SYT2: variants seen among roughly 807,000 people sequenced by gnomAD.
SYT2 encodes the protein synaptotagmin 2.
A neutral mutation model predicts 39.9 loss-of-function variants in SYT2; 15 were observed. The observed-to-expected ratio is 0.38, with a 90% CI of 0.25 to 0.58. The LOEUF is 0.58. SYT2 is among the 20% of genes least tolerant of loss of function. The pLI is 0.70. For missense variants in SYT2, 389 were observed against 530.3 expected, an observed-to-expected ratio of 0.73 and a Z score of 2.62; for synonymous variants, 181 against 204.5, an observed-to-expected ratio of 0.89 and a Z score of 0.98.
At chr1:202,598,771 G>A (rs1690389608) in intron 8 of SYT2, among the ~76,000 whole-genome samples, 1 of 152,182 alleles carries the variant, frequency 6.6e-6, no homozygotes, top group Non-Finnish European at 1.5e-5. Flanking sequence ...CTGGAAGGGT[G>A]GAGGGAGAGA....
intron 1 of SYT2, among the ~76,000 whole-genome samples, chr1:202,652,604 C>T (rs1488509510): frequency 6.6e-6 from 1 of 152,202 alleles, no homozygotes; most frequent in Non-Finnish European, 1.5e-5. Context: ...AACTTCTCTG[C>T]CCAGCAGGGT....
At chr1:202,692,511 T>C (rs1484786806) in intron 1 of SYT2, among the ~76,000 whole-genome samples, 1 of 152,230 alleles carries the variant, frequency 6.6e-6, no homozygotes, top group Non-Finnish European at 1.5e-5. Flanking sequence ...TTCTATCACC[T>C]ACAGGTTAAA....
chr1:202,605,201 C>G (rs991987490), intron 2 of SYT2: 15 of 183,284 alleles, frequency 8.2e-5, no homozygotes, highest in Non-Finnish European at 1.5e-4. Context: ...TCTGGTGTCT[C>G]CTATACAGCC....
intron 1 of SYT2, among the ~76,000 whole-genome samples, chr1:202,706,869 A>C (rs1654265980): frequency 6.6e-6 from 1 of 152,220 alleles, no homozygotes; most frequent in Non-Finnish European, 1.5e-5. Flanking sequence ...TAACACGAAT[A>C]GTTATCAGTT....
At position 202,639,517 on chromosome 1, in the gene SYT2, C is replaced by T. The variant is rs557763902; in HGVS notation, c.-17-33728G>A. 12 of 985,404 alleles carry T rather than the reference C, an allele frequency of 1.2e-5. No individual in the cohort carries two copies. The African/African-American group carries it at 1.6e-4, about 13-fold the overall frequency. The allele number at this position is 985,404 out of a possible 1,614,324, so 61.0% of individuals were successfully genotyped here. ...AGCCCCTTTCAGTGCCTCGTCCTGC[C>T]GTGCCACTCATCTAACACATCTCTG... On this transcript the variant is annotated intron_variant, in intron 1 of 8. Transcript: ENST00000367268.
chr1:202,645,342 G>A (rs1180457509), intron 1 of SYT2, among the ~76,000 whole-genome samples: 2 of 152,204 alleles, frequency 1.3e-5, no homozygotes, highest in Admixed American at 6.5e-5. Flanking sequence ...TCTCCCTGGG[G>A]AGAAAAGTGC....
chr1:202,702,817 A>C (rs547117261), intron 1 of SYT2, among the ~76,000 whole-genome samples: 1 of 152,346 alleles, frequency 6.6e-6, no homozygotes, highest in East Asian at 1.9e-4. Flanking sequence ...TACATTTGTT[A>C]AATGGGCTTT....
chr1:202,640,921 T>C (rs1691900221), intron 1 of SYT2, among the ~76,000 whole-genome samples: 1 of 152,178 alleles, frequency 6.6e-6, no homozygotes, highest in South Asian at 2.1e-4. Context: ...CCATGGCCAC[T>C]ACTCACAGCT....
rs763972708 is a variant in SYT2 at position 202,605,782 on chromosome 1, G to C, written c.-10C>G. On this transcript the variant is annotated 5_prime_UTR_variant, in exon 2 of 9. Coordinates refer to ENST00000367268, the MANE Select transcript of SYT2 (RefSeq NM_177402.5). ...TGAAAATGTTCCTCATGGTGGCAGA[G>C]GAAACAGCTGGGGACGAGAGGTGAA... 3 of 1,613,282 alleles carry C rather than the reference G, an allele frequency of 1.9e-6. No individual in the cohort carries two copies. The highest frequency in any genetic ancestry group is 1.7e-6 in the Non-Finnish European group (2 of 1,179,436).
rs1256628781 is a variant in SYT2 at position 202,591,650 on chromosome 1, CAGG to C, written c.*5104_*5106del. The C allele has an allele frequency of 1.3e-5, 2 of 152,696 alleles. No individual in the cohort carries two copies. Among genetic ancestry groups the C allele is most frequent in the Non-Finnish European group, 2.9e-5 (2 of 68,284 alleles). The allele number at this position is 152,696 out of a possible 1,614,324, so 9.5% of individuals were successfully genotyped here. On this transcript the variant is annotated 3_prime_UTR_variant, in exon 9 of 9. Coordinates refer to ENST00000367268, the MANE Select transcript of SYT2 (RefSeq NM_177402.5). ...TATTGGGCTGCTTTCTGTCAGACTG[CAGG>C]AGGATGCACGAGGGAAGAGCGTCAG... is the stretch of plus-strand genomic sequence containing the variant.
At chr1:202,597,077 C>T (rs1690326342) in intron 8 of SYT2, 114 bp from the exon 9 acceptor site, 12 of 845,548 alleles carry the variant, frequency 1.4e-5, no homozygotes, top group Admixed American at 4.9e-5. Context: ...CCTCCTGGGG[C>T]TCCTTGGTTT....
chr1:202,650,614 A>G (rs886397992), intron 1 of SYT2, among the ~76,000 whole-genome samples: 1 of 152,002 alleles, frequency 6.6e-6, no homozygotes, highest in Non-Finnish European at 1.5e-5. Context: ...ATATGTTTTT[A>G]TTGAATACAT....
At chr1:202,632,853 T>C (rs1428121913) in intron 1 of SYT2, 1 of 152,232 alleles carries the variant, frequency 6.6e-6, no homozygotes, top group Non-Finnish European at 1.5e-5. Context: ...GAGAAGTTAT[T>C]TCCCTGTTCT....
rs1690405170 is a variant in SYT2, at chr1:202,599,119, G to A, written c.1053+99C>T. On this transcript the variant is annotated intron_variant, in intron 8 of 8. Transcript: ENST00000367268. This position sits in a 1 kb window ranked among gnomAD's most constrained non-coding sequence, Gnocchi z 4.4. Reference sequence around the variant, plus strand: ...GAGCCTTCCCCTACCAAGAAAGGCTGTTCCATGGTCTCTAGGTGAGTTCCC... The same window carrying A: ...GAGCCTTCCCCTACCAAGAAAGGCTATTCCATGGTCTCTAGGTGAGTTCCC... 27 of 1,506,122 alleles carry A rather than the reference G, an allele frequency of 1.8e-5. No homozygotes were observed. The highest frequency in any genetic ancestry group is 2.4e-5 in the Non-Finnish European group (27 of 1,120,922). 93.3% of individuals were successfully genotyped at this position (1,506,122 alleles called of 1,614,324 possible).
chr1:202,681,742 C>T (rs892329228), intron 1 of SYT2, among the ~76,000 whole-genome samples: 1 of 152,226 alleles, frequency 6.6e-6, no homozygotes, highest in Admixed American at 6.5e-5. Context: ...AGCATCCCCA[C>T]TCCCCTGCCA....
At chr1:202,640,481 C>G (rs938141371) in intron 1 of SYT2, among the ~76,000 whole-genome samples, 2 of 152,150 alleles carry the variant, frequency 1.3e-5, no homozygotes, top group African/African-American at 4.8e-5. Flanking sequence ...TTTGCCACTC[C>G]TTCCACCTGG....
At chr1:202,610,928 C>G (rs574534085) in intron 1 of SYT2, among the ~76,000 whole-genome samples, 2 of 152,146 alleles carry the variant, frequency 1.3e-5, no homozygotes, top group East Asian at 3.9e-4. Flanking sequence ...AATGCCATCC[C>G]CATCAAGCTA....
intron 1 of SYT2, among the ~76,000 whole-genome samples, chr1:202,662,839 G>A (rs1036170157): frequency 1.3e-5 from 2 of 152,180 alleles, no homozygotes; most frequent in Admixed American, 1.3e-4. Context: ...TAATGTTGTT[G>A]AGGATTAAAA....
chr1:202,662,742 C>CTGT (rs1692406437), intron 1 of SYT2, among the ~76,000 whole-genome samples: 1 of 152,226 alleles, frequency 6.6e-6, no homozygotes, highest in South Asian at 2.1e-4. Flanking sequence ...TAAGCCTTTA[C>CTGT]TATCTGAGTA....
Sources: allele counts gnomAD v4.1 joint callset (sites outside exome capture counted in the v4.1 genomes callset), GRCh38; gene constraint gnomAD v4.1.1; non-coding constraint Gnocchi (gnomAD v3.1); transcripts MANE v1.5; gene names NCBI Gene and HGNC (gene_info 2026-07-23, HGNC 2026-07-21).